The following KAZN variants were observed in gnomAD, a reference collection of about 807,000 sequenced individuals.
KAZN encodes the protein kazrin.
A neutral mutation model predicts 87.4 loss-of-function variants in KAZN; 40 were observed. The ratio of observed to expected loss-of-function variants is 0.46; its 90% confidence interval spans 0.36 to 0.60. The LOEUF (loss-of-function observed/expected upper bound fraction) is 0.60. KAZN is among the 20% of genes least tolerant of loss of function. KAZN has a pLI of 0.00. For synonymous variants in KAZN, 466 were observed against 458.3 expected (o/e 1.02, Z -0.22); for missense variants, 898 against 1,073.9 (o/e 0.84, Z 2.29).
At chr1:14,262,521 C>T (rs552463311) in intron 2 of KAZN, among the ~76,000 whole-genome samples, 39 of 152,312 alleles carry the variant, frequency 2.6e-4, no homozygotes, top group African/African-American at 7.0e-4. Context: ...CTAAATTCTA[C>T]GCTAGAGCCT....
At chr1:14,132,905 G>A (rs1472682535) in intron 1 of KAZN, among the ~76,000 whole-genome samples, 4 of 152,032 alleles carry the variant, frequency 2.6e-5, no homozygotes, top group South Asian at 2.1e-4. Context: ...CACTTCCATC[G>A]TTATGGTCCT....
intron 2 of KAZN, among the ~76,000 whole-genome samples, chr1:14,199,907 T>C (rs1199219619): frequency 6.6e-6 from 1 of 152,058 alleles, no homozygotes; most frequent in Non-Finnish European, 1.5e-5. Context: ...CAAACTGTTT[T>C]CTACCTGACA....
chr1:14,899,070 G>A (rs1433330251), intron 1 of KAZN, among the ~76,000 whole-genome samples: 4 of 152,282 alleles, frequency 2.6e-5, no homozygotes, highest in South Asian at 4.1e-4. Flanking sequence ...GACTTGACAT[G>A]TTCCCTCTTG....
At chr1:14,692,536 A>G (rs1641377828) in intron 1 of KAZN, 1 of 163,882 alleles carries the variant, frequency 6.1e-6, no homozygotes, top group Non-Finnish European at 1.3e-5. Context: ...GTTATTTAAG[A>G]TTTACATTCA....
intron 10 of KAZN, among the ~76,000 whole-genome samples, chr1:15,097,547 G>A (rs551156424): frequency 5.3e-4 from 80 of 152,256 alleles, no homozygotes; most frequent in African/African-American, 1.8e-3. Context: ...GGCCGGGTAC[G>A]ATGGCTCACA....
intron 1 of KAZN, among the ~76,000 whole-genome samples, chr1:14,156,441 G>C (rs1645594844): frequency 6.6e-6 from 1 of 152,124 alleles, no homozygotes; most frequent in East Asian, 1.9e-4. Context: ...GGGTGTAGAA[G>C]TCTCCAGCTA....
At chr1:14,458,999 C>G (rs769061534) in intron 2 of KAZN, among the ~76,000 whole-genome samples, 1 of 152,180 alleles carries the variant, frequency 6.6e-6, no homozygotes, top group East Asian at 1.9e-4. Flanking sequence ...CTATGGCAAC[C>G]CTTGTTTCCT....
At chr1:14,119,409 A>G (rs1004873544) in intron 1 of KAZN, among the ~76,000 whole-genome samples, 5 of 152,220 alleles carry the variant, frequency 3.3e-5, no homozygotes, top group Admixed American at 1.3e-4. Flanking sequence ...GCTAAGGGGC[A>G]GCAAGGGTTT....
chr1:14,354,365 A>C (rs1272440446), intron 2 of KAZN, among the ~76,000 whole-genome samples: 1 of 152,192 alleles, frequency 6.6e-6, no homozygotes, highest in Non-Finnish European at 1.5e-5. Flanking sequence ...CATTAAGAAA[A>C]TGAAAAGACA....
At chr1:14,502,558 C>A (rs535890356) in intron 2 of KAZN, among the ~76,000 whole-genome samples, 5 of 152,208 alleles carry the variant, frequency 3.3e-5, no homozygotes, top group Non-Finnish European at 7.4e-5. Context: ...CTCCAGTAAA[C>A]CCTACTCCTG....
chr1:14,677,003 GT>G (rs200736955), intron 1 of KAZN, among the ~76,000 whole-genome samples: 5,344 of 152,258 alleles, frequency 0.035, 118 homozygotes, highest in Middle Eastern at 0.082. Flanking sequence ...AAAGGACTGA[GT>G]AAGCTATAGG....
chr1:15,044,289 G>A (rs1673242125), intron 4 of KAZN, 130 bp downstream of exon 4: 3 of 977,780 alleles, frequency 3.1e-6, no homozygotes, highest in Non-Finnish European at 4.3e-6. Flanking sequence ...AACACAAGCA[G>A]GGGGCAGGGC....
chr1:14,539,299 G>C (rs995756820), intron 2 of KAZN, among the ~76,000 whole-genome samples: 1 of 152,170 alleles, frequency 6.6e-6, no homozygotes, highest in Admixed American at 6.5e-5. Context: ...ATGTTGATAA[G>C]AAATATGCTT....
intron 1 of KAZN, among the ~76,000 whole-genome samples, chr1:13,998,681 T>C (rs1384028493): frequency 6.6e-6 from 1 of 151,280 alleles, no homozygotes; most frequent in Non-Finnish European, 1.5e-5. Context: ...TCTAAATATA[T>C]ATGCACCCAA....
chr1:14,588,589 C>G (rs1380842281), intron 2 of KAZN, among the ~76,000 whole-genome samples: 1 of 152,166 alleles, frequency 6.6e-6, no homozygotes, highest in Non-Finnish European at 1.5e-5. Context: ...CTCCGTTTGC[C>G]TGAGAGAAGG....
At chr1:14,575,086 T>C (rs960166087) in intron 2 of KAZN, among the ~76,000 whole-genome samples, 1 of 152,126 alleles carries the variant, frequency 6.6e-6, no homozygotes, top group African/African-American at 2.4e-5. Flanking sequence ...GAATTTAGGC[T>C]TAATCCTAAA....
intron 1 of KAZN, among the ~76,000 whole-genome samples, chr1:14,011,730 A>G (rs894531791): frequency 6.6e-6 from 1 of 152,164 alleles, no homozygotes; most frequent in Non-Finnish European, 1.5e-5. Context: ...TCAGTATTTC[A>G]TTTCTGATGT....
intron 1 of KAZN, among the ~76,000 whole-genome samples, chr1:14,054,255 C>T (rs1642457837): frequency 6.6e-6 from 1 of 152,176 alleles, no homozygotes; most frequent in African/African-American, 2.4e-5. Context: ...CTCATTATTA[C>T]ATACTTACTG....
intron 2 of KAZN, among the ~76,000 whole-genome samples, chr1:14,980,879 T>G: frequency 6.8e-6 from 1 of 147,084 alleles, no homozygotes. Context: ...GAGGGGGAGG[T>G]GGGGTGGCTG....
Sources: allele counts gnomAD v4.1 joint callset (sites outside exome capture counted in the v4.1 genomes callset), GRCh38; gene constraint gnomAD v4.1.1; transcripts MANE v1.5; gene names NCBI Gene and HGNC (gene_info 2026-07-23, HGNC 2026-07-21).